IPO11: variants seen among roughly 807,000 people sequenced by gnomAD.
The protein encoded by IPO11 is importin 11, also known as importin-11.
IPO11 carries 66 observed loss-of-function variants against 143.2 expected under a neutral mutation model. That is an observed-to-expected ratio of 0.46 (90% confidence interval 0.38 to 0.57). The LOEUF (loss-of-function observed/expected upper bound fraction) is 0.57, where lower values mean the gene tolerates loss of function less well. Ranked by LOEUF, IPO11 falls within the 20% of genes least tolerant of loss-of-function variation. The pLI is 0.00. For synonymous variants in IPO11, 385 were observed against 377.8 expected, an observed-to-expected ratio of 1.02 and a Z score of -0.22; for missense variants, 1,026 against 1,141.0, an observed-to-expected ratio of 0.90 and a Z score of 1.45.
intron 5 of IPO11, among the ~76,000 whole-genome samples, chr5:62,455,926 T>G (rs1308695104): frequency 6.6e-6 from 1 of 152,166 alleles, no homozygotes; most frequent in Non-Finnish European, 1.5e-5. Context: ...GGTTTCGTCA[T>G]GTTGCCCAGG....
At chr5:62,513,029 C>A (rs1362111809) in intron 19 of IPO11, among the ~76,000 whole-genome samples, 2 of 150,212 alleles carry the variant, frequency 1.3e-5, no homozygotes, top group African/African-American at 4.9e-5. Flanking sequence ...AATCTTTTCC[C>A]CACCTTGCCC....
intron 10 of IPO11, 21 bp from the exon 11 acceptor site, chr5:62,483,989 T>C: frequency 1.3e-6 from 2 of 1,585,604 alleles, no homozygotes; most frequent in Non-Finnish European, 1.7e-6. Flanking sequence ...TACAATTAAC[T>C]TGGAAATTTC....
intron 8 of IPO11, among the ~76,000 whole-genome samples, chr5:62,474,678 A>G (rs773256338): frequency 6.6e-6 from 1 of 152,192 alleles, no homozygotes; most frequent in Non-Finnish European, 1.5e-5. Flanking sequence ...AGCTAAAATG[A>G]GTATTTTGTA....
intron 29 of IPO11, among the ~76,000 whole-genome samples, chr5:62,612,474 A>G (rs1174661236): frequency 2.0e-5 from 3 of 152,216 alleles, no homozygotes; most frequent in African/African-American, 7.2e-5. Flanking sequence ...TACTTTAACC[A>G]AAACACATAA....
chr5:62,506,648 G>A (rs1291820839), intron 19 of IPO11, among the ~76,000 whole-genome samples: 1 of 152,112 alleles, frequency 6.6e-6, no homozygotes, highest in Non-Finnish European at 1.5e-5. Context: ...GTGTGTTTGA[G>A]GGCATAGCCA....
chr5:62,553,325 T>TGTGTGA (rs1200566179), intron 26 of IPO11, among the ~76,000 whole-genome samples: 3 of 58,898 alleles, frequency 5.1e-5, no homozygotes, highest in African/African-American at 2.7e-4. Flanking sequence ...TTCGTGTGAG[T>TGTGTGA]GTGTGTGTGT....
rs146092308 is a variant in IPO11 at position 62,579,937 on chromosome 5, C to T, written c.2583-11640C>T. On this transcript the variant is annotated intron_variant, in intron 27 of 29. Transcript: ENST00000325324. ...TCAGTACTTAAATCTACAAAGGAATCGCCTCACTGTCCTTGGGAGTGGTAC... is the reference window on the plus strand; with the variant it reads ...TCAGTACTTAAATCTACAAAGGAATTGCCTCACTGTCCTTGGGAGTGGTAC... 5.2e-6 allele frequency: 8 copies of T among 1,551,186 alleles called. No individual in the cohort carries two copies. The highest frequency in any genetic ancestry group is 1.4e-5 in the African/African-American group (1 of 73,094).
intron 28 of IPO11, among the ~76,000 whole-genome samples, chr5:62,594,842 T>G (rs924667269): frequency 1.3e-5 from 2 of 151,480 alleles, no homozygotes; most frequent in African/African-American, 4.9e-5. Flanking sequence ...GAGAAAGGAG[T>G]CCAGGGAAAC....
Position 62,490,228 on chromosome 5 carries a change from TA to T in IPO11, c.1463+12del. Reference sequence around the variant, plus strand: ...ACAAGTCATTCACAATAGGCAAGTATAAAATTTTATATTTATTATACACTTA... The same window carrying T: ...ACAAGTCATTCACAATAGGCAAGTATAAATTTTATATTTATTATACACTTA... On this transcript the variant is annotated intron_variant, in intron 15 of 29. Coordinates refer to ENST00000325324, the MANE Select transcript of IPO11 (RefSeq NM_016338.5). 1 of 1,516,270 alleles carries T rather than the reference TA, an allele frequency of 6.6e-7. No individual in the cohort carries two copies. The highest frequency in any genetic ancestry group is 1.2e-5 in the South Asian group (1 of 81,888). 93.9% of individuals were successfully genotyped at this position (1,516,270 alleles called of 1,614,324 possible).
chr5:62,484,517 C>G (rs1465263605), intron 11 of IPO11, among the ~76,000 whole-genome samples: 1 of 146,894 alleles, frequency 6.8e-6, no homozygotes, highest in Admixed American at 6.8e-5. Context: ...TGTAGAAATT[C>G]TTGCAAAGAA....
intron 1 of IPO11, among the ~76,000 whole-genome samples, chr5:62,431,297 ACT>A (rs1187258786): frequency 1.3e-5 from 2 of 150,426 alleles, no homozygotes; most frequent in African/African-American, 4.9e-5. Flanking sequence ...GTATTTTAAA[ACT>A]CTTCATTTTC....
In IPO11 at chr5:62,485,485, A is replaced by G. The variant is rs755699764; in HGVS notation, c.1218+23A>G. On this transcript the variant is annotated intron_variant, in intron 12 of 29. Transcript: ENST00000325324. The stretch of plus-strand genomic sequence containing the variant: ...AGGGTAAGTATTAATTGCAAGAAAA[A>G]TTGATAGGGGAAAGCTTAATCTTTC... 16 of 1,565,096 alleles carry G rather than the reference A, an allele frequency of 1.0e-5. No individual in the cohort carries two copies. The East Asian group carries it at 3.4e-4, about 33-fold the overall frequency.
intron 29 of IPO11, among the ~76,000 whole-genome samples, chr5:62,619,743 G>C (rs182073054): frequency 2.6e-5 from 4 of 151,814 alleles, no homozygotes; most frequent in Admixed American, 2.6e-4. Flanking sequence ...GTCCCACCTA[G>C]TCGGGAGGCT....
intron 29 of IPO11, among the ~76,000 whole-genome samples, chr5:62,618,709 A>G (rs1248084238): frequency 6.6e-6 from 1 of 152,210 alleles, no homozygotes; most frequent in Admixed American, 6.5e-5. Context: ...AAAAAAAATT[A>G]AAAATAAACT....
chr5:62,548,285 A>C (rs938261594), intron 24 of IPO11, among the ~76,000 whole-genome samples: 1 of 152,144 alleles, frequency 6.6e-6, no homozygotes, highest in Non-Finnish European at 1.5e-5. Context: ...TGTCTGACAG[A>C]TGTCCAATAT....
At chr5:62,443,761 G>A (rs1256440167) in intron 3 of IPO11, among the ~76,000 whole-genome samples, 1 of 152,080 alleles carries the variant, frequency 6.6e-6, no homozygotes, top group African/African-American at 2.4e-5. Flanking sequence ...AATCACATTA[G>A]TATTCAGTTA....
intron 5 of IPO11, among the ~76,000 whole-genome samples, chr5:62,455,770 T>A (rs865959527): frequency 1.6e-4 from 24 of 151,774 alleles, no homozygotes; most frequent in African/African-American, 4.6e-4. Flanking sequence ...TTTTTTTTTT[T>A]GAGAGAGAGA....
chr5:62,506,927 C>G (rs1365442367), intron 19 of IPO11, among the ~76,000 whole-genome samples: 1 of 152,108 alleles, frequency 6.6e-6, no homozygotes, highest in Admixed American at 6.5e-5. Flanking sequence ...AGCACTGAAG[C>G]AAATCTGTGA....
At chr5:62,554,300 T>G (rs889809654) in intron 26 of IPO11, among the ~76,000 whole-genome samples, 2 of 152,188 alleles carry the variant, frequency 1.3e-5, no homozygotes, top group South Asian at 2.1e-4. Flanking sequence ...ATTTGTCTAT[T>G]TTTCCTTTTG....
Sources: gnomAD v4.1 joint callset for allele counts (sites outside exome capture counted in the v4.1 genomes callset) on GRCh38, gnomAD v4.1.1 for gene constraint, MANE v1.5 for transcripts, NCBI Gene and HGNC (gene_info 2026-07-23, HGNC 2026-07-21) for gene names.